The following KCNAB1 variants were observed in gnomAD, a reference collection of about 807,000 sequenced individuals.
KCNAB1 encodes potassium voltage-gated channel subfamily A regulatory beta subunit 1.
A neutral mutation model predicts 64.6 loss-of-function variants in KCNAB1; 35 were observed. That is an observed-to-expected ratio of 0.54 (90% CI 0.41 to 0.72). KCNAB1 has a LOEUF of 0.72. Among genes scored for constraint, KCNAB1 ranks in the 30% least tolerant of loss-of-function variants. KCNAB1 has a pLI of 0.00. For missense variants in KCNAB1, 401 were observed against 512.9 expected (o/e 0.78, Z 2.11); for synonymous variants, 177 against 183.8 (o/e 0.96, Z 0.30).
intron 1 of KCNAB1, among the ~76,000 whole-genome samples, chr3:156,387,932 A>G (rs1712734747): frequency 6.6e-6 from 1 of 152,220 alleles, no homozygotes; most frequent in South Asian, 2.1e-4. Flanking sequence ...TTCACCGCGT[A>G]TTTGTTATTG....
At chr3:156,467,702 A>T (rs1713523578) in intron 7 of KCNAB1, among the ~76,000 whole-genome samples, 1 of 152,150 alleles carries the variant, frequency 6.6e-6, no homozygotes, top group African/African-American at 2.4e-5. Flanking sequence ...ATTAAAATAC[A>T]CAACTTAACA....
chr3:156,484,063 A>G (rs1262555389), intron 8 of KCNAB1, among the ~76,000 whole-genome samples: 1 of 152,128 alleles, frequency 6.6e-6, no homozygotes, highest in Non-Finnish European at 1.5e-5. Context: ...CTTATTCCAT[A>G]AAGTCCTGGT....
chr3:156,325,974 A>T (rs1011636409), intron 1 of KCNAB1, among the ~76,000 whole-genome samples: 3 of 152,166 alleles, frequency 2.0e-5, no homozygotes, highest in African/African-American at 7.2e-5. Flanking sequence ...GATGACAGGA[A>T]TCTTACAGGA....
At chr3:156,261,259 A>G (rs189046334) in intron 1 of KCNAB1, among the ~76,000 whole-genome samples, 72 of 152,068 alleles carry the variant, frequency 4.7e-4, no homozygotes, top group Admixed American at 4.3e-3. Context: ...AGGAAGTTCA[A>G]TTAACCTTTT....
chr3:156,420,363 C>T (rs748316908), intron 1 of KCNAB1, among the ~76,000 whole-genome samples: 206 of 152,340 alleles, frequency 1.4e-3, no homozygotes, highest in Non-Finnish European at 2.4e-3. Context: ...GGTCTTTCAA[C>T]TCTTTGCATT....
chr3:156,132,461 C>A (rs539683076), intron 1 of KCNAB1, among the ~76,000 whole-genome samples: 1 of 152,196 alleles, frequency 6.6e-6, no homozygotes, highest in Non-Finnish European at 1.5e-5. Flanking sequence ...GACTCACTTA[C>A]GGCTGGATGA....
chr3:156,268,514 C>T (rs545057082), intron 1 of KCNAB1, among the ~76,000 whole-genome samples: 73 of 152,248 alleles, frequency 4.8e-4, no homozygotes, highest in Non-Finnish European at 8.8e-4. Flanking sequence ...TCCTTTTCTC[C>T]ACACCCTCTC....
intron 1 of KCNAB1, among the ~76,000 whole-genome samples, chr3:156,384,870 G>A (rs1445701491): frequency 6.6e-6 from 1 of 152,166 alleles, no homozygotes; most frequent in Non-Finnish European, 1.5e-5. Context: ...ACCTGAAGGG[G>A]TAGGGGCACC....
intron 1 of KCNAB1, among the ~76,000 whole-genome samples, chr3:156,300,130 A>G (rs184048692): frequency 5.3e-5 from 8 of 152,182 alleles, no homozygotes; most frequent in Admixed American, 2.6e-4. Flanking sequence ...GGGGAGGGAG[A>G]TTCTCTCCCA....
chr3:156,405,161 C>A (rs1714164278), intron 1 of KCNAB1, among the ~76,000 whole-genome samples: 1 of 152,212 alleles, frequency 6.6e-6, no homozygotes, highest in South Asian at 2.1e-4. Flanking sequence ...CAGTGAGGGG[C>A]TCCTGCTGAG....
intron 1 of KCNAB1, among the ~76,000 whole-genome samples, chr3:156,329,012 G>A (rs2108040828): frequency 6.6e-6 from 1 of 152,172 alleles, no homozygotes; most frequent in Non-Finnish European, 1.5e-5. Context: ...TCTATAGTGA[G>A]TTCTTTTCTA....
At chr3:156,469,903 T>A (rs1713750761) in intron 7 of KCNAB1, among the ~76,000 whole-genome samples, 1 of 152,238 alleles carries the variant, frequency 6.6e-6, no homozygotes, top group South Asian at 2.1e-4. Flanking sequence ...CAAGTTATTA[T>A]CCTTGGGTTT....
chr3:156,147,178 T>C (rs1473293593), intron 1 of KCNAB1, among the ~76,000 whole-genome samples: 1 of 152,142 alleles, frequency 6.6e-6, no homozygotes, highest in Non-Finnish European at 1.5e-5. Context: ...CCAGCAGCAT[T>C]AAATTGTGAA....
intron 5 of KCNAB1, among the ~76,000 whole-genome samples, chr3:156,460,917 G>C (rs1712854006): frequency 6.6e-6 from 1 of 152,160 alleles, no homozygotes; most frequent in Non-Finnish European, 1.5e-5. Context: ...TAGGAATAGA[G>C]GGCCCTGTGG....
chr3:156,302,770 A>G (rs1721241693), intron 1 of KCNAB1, among the ~76,000 whole-genome samples: 1 of 152,228 alleles, frequency 6.6e-6, no homozygotes, highest in African/African-American at 2.4e-5. Flanking sequence ...ACCTAAGTAC[A>G]AACTAAATTA....
At chr3:156,480,540 TA>T (rs112797257) in intron 8 of KCNAB1, among the ~76,000 whole-genome samples, 19,373 of 143,108 alleles carry the variant, frequency 0.14, 2,126 homozygotes, top group African/African-American at 0.32. Flanking sequence ...GAACTTAAAG[TA>T]AAAAAAAAAA....
intron 7 of KCNAB1, among the ~76,000 whole-genome samples, chr3:156,472,199 A>G (rs577557286): frequency 2.5e-4 from 38 of 152,256 alleles, no homozygotes; most frequent in Admixed American, 2.1e-3. Flanking sequence ...TATTTACTCT[A>G]ATCTCCACAC....
intron 1 of KCNAB1, among the ~76,000 whole-genome samples, chr3:156,231,810 A>G (rs1391013038): frequency 6.6e-6 from 1 of 152,032 alleles, no homozygotes; most frequent in Non-Finnish European, 1.5e-5. Context: ...GGAAGCCGCC[A>G]CTTTGAGTTG....
chr3:156,474,952 G>A, intron 8 of KCNAB1, 132 bp downstream of exon 8: 1 of 719,658 alleles, frequency 1.4e-6, no homozygotes, highest in Non-Finnish European at 2.3e-6. Context: ...GTTTCTGACT[G>A]ATGCCTTTTG....
Sources: allele counts gnomAD v4.1 joint callset (sites outside exome capture counted in the v4.1 genomes callset), GRCh38; gene constraint gnomAD v4.1.1; transcripts MANE v1.5; gene names NCBI Gene and HGNC (gene_info 2026-07-23, HGNC 2026-07-21).